Variants in SLC35F4 observed in about 807,000 individuals in gnomAD.
SLC35F4 encodes the protein chromosome 14 open reading frame 36.
Under a neutral mutation model 44.2 loss-of-function variants are expected in SLC35F4, and 24 were observed. That is an observed-to-expected ratio of 0.54 (90% CI 0.39 to 0.76). The LOEUF is 0.76. SLC35F4 is among the 30% of genes least tolerant of loss of function. SLC35F4 has a pLI of 0.00. For synonymous variants in SLC35F4, 238 were observed against 223.6 expected (o/e 1.06, Z -0.57); for missense variants, 562 against 586.1 (o/e 0.96, Z 0.42).
At chr14:57,712,715 A>T (rs2075844348) in intron 1 of SLC35F4, among the ~76,000 whole-genome samples, 1 of 152,244 alleles carries the variant, frequency 6.6e-6, no homozygotes, top group Non-Finnish European at 1.5e-5. Flanking sequence ...TTTTGAATTT[A>T]CATAACATTT....
At chr14:57,591,522 A>C (rs1410874809) in intron 2 of SLC35F4, among the ~76,000 whole-genome samples, 1 of 152,236 alleles carries the variant, frequency 6.6e-6, no homozygotes, top group Non-Finnish European at 1.5e-5. Flanking sequence ...AGGAACACAA[A>C]CCTGACTTAT....
rs1429625955 is a variant in SLC35F4, at chr14:57,709,073, G to A, written c.104-114949C>T. ...GACCACTGAAGCACAGCATCACAGG[G>A]AGATGGTTAGGCCTCCAGATAACTG... On this transcript the variant is annotated intron_variant, in intron 1 of 7. Coordinates refer to ENST00000556826, the MANE Select transcript of SLC35F4 (RefSeq NM_001306087.2). Among the ~76,000 whole-genome samples the A allele has an allele frequency of 2.0e-5, 3 of 152,190 alleles. No individual in the cohort carries two copies. In the East Asian group the frequency reaches 5.8e-4, roughly 29 times the overall value.
At chr14:57,753,674 C>T (rs933396077) in intron 1 of SLC35F4, among the ~76,000 whole-genome samples, 1 of 152,190 alleles carries the variant, frequency 6.6e-6, no homozygotes, top group Non-Finnish European at 1.5e-5. Flanking sequence ...TTGAGGGCAG[C>T]ACCAAGAAGG....
At chr14:57,615,891 A>G (rs2071789332) in intron 1 of SLC35F4, among the ~76,000 whole-genome samples, 2 of 152,204 alleles carry the variant, frequency 1.3e-5, no homozygotes, top group African/African-American at 4.8e-5. Context: ...ACCAAATATT[A>G]GGATTCCTAG....
intron 1 of SLC35F4, among the ~76,000 whole-genome samples, chr14:57,601,058 C>T (rs918563612): frequency 1.3e-5 from 2 of 152,088 alleles, no homozygotes; most frequent in Non-Finnish European, 2.9e-5. Flanking sequence ...AGGTATTACT[C>T]ACTCCTTATA....
At chr14:57,605,722 T>C (rs1481986673) in intron 1 of SLC35F4, among the ~76,000 whole-genome samples, 15 of 151,566 alleles carry the variant, frequency 9.9e-5, no homozygotes, top group African/African-American at 3.6e-4. Context: ...CCATCAGTAG[T>C]GGGTTGGATT....
intron 1 of SLC35F4, among the ~76,000 whole-genome samples, chr14:57,685,892 G>A (rs1196887047): frequency 6.6e-6 from 1 of 152,128 alleles, no homozygotes; most frequent in East Asian, 1.9e-4. Flanking sequence ...GGTGTTCCTG[G>A]TCTTTGGGCT....
chr14:57,842,309 T>C (rs983895796), intron 1 of SLC35F4, among the ~76,000 whole-genome samples: 3 of 152,158 alleles, frequency 2.0e-5, no homozygotes, highest in Admixed American at 1.3e-4. Flanking sequence ...CACTCTGAAA[T>C]GGGGCATAGT....
chr14:57,945,439 AT>A lies in SLC35F4; in HGVS notation n.282+36473del, dbSNP rs1890007539. ...TCTTTACCAGGTAAGAGCAATGATAATGTGTGTGTGTGTGTGTGTGTGTGTG... is the reference window on the plus strand; with the variant it reads ...TCTTTACCAGGTAAGAGCAATGATAAGTGTGTGTGTGTGTGTGTGTGTGTG... On this transcript the variant is annotated intron_variant and non_coding_transcript_variant, in intron 1 of 1. Transcript: ENST00000556568. 2.9e-5 allele frequency among the ~76,000 whole-genome samples: 3 copies of A among 104,690 alleles called. 1 individual carries two copies. Among genetic ancestry groups the A allele is most frequent in the African/African-American group, 1.5e-4 (3 of 20,668 alleles). 68.7% of individuals were successfully genotyped at this position (104,690 alleles called of 152,430 possible).
At chr14:57,702,141 C>T (rs2075557707) in intron 1 of SLC35F4, among the ~76,000 whole-genome samples, 1 of 152,082 alleles carries the variant, frequency 6.6e-6, no homozygotes, top group African/African-American at 2.4e-5. Context: ...CCTGTCCCAC[C>T]CTGGACTGGC....
At chr14:57,775,822 A>G (rs964193763) in intron 1 of SLC35F4, among the ~76,000 whole-genome samples, 2 of 152,258 alleles carry the variant, frequency 1.3e-5, no homozygotes, top group Admixed American at 6.5e-5. Flanking sequence ...TGACAGGAAT[A>G]TAATTCAGAA....
At chr14:57,815,970 T>A (rs192243630) in intron 1 of SLC35F4, among the ~76,000 whole-genome samples, 1 of 152,062 alleles carries the variant, frequency 6.6e-6, no homozygotes. Context: ...AAAAACCTAT[T>A]GATAAAGAAG....
intron 1 of SLC35F4, among the ~76,000 whole-genome samples, chr14:57,662,170 A>G (rs971911781): frequency 6.6e-6 from 1 of 152,194 alleles, no homozygotes; most frequent in African/African-American, 2.4e-5. Context: ...GAGTTCTATA[A>G]CTTGGATTCA....
chr14:57,920,070 T>C (rs1312610289), intron 1 of SLC35F4, among the ~76,000 whole-genome samples: 1 of 152,162 alleles, frequency 6.6e-6, no homozygotes, highest in African/African-American at 2.4e-5. Flanking sequence ...AGAGACACAA[T>C]ATATGCACGT....
intron 1 of SLC35F4, among the ~76,000 whole-genome samples, chr14:57,927,316 T>C (rs1889597286): frequency 6.6e-6 from 1 of 152,234 alleles, no homozygotes; most frequent in South Asian, 2.1e-4. Context: ...TCAAAAGATC[T>C]AGGTCATAAC....
chr14:57,747,292 T>G (rs1594949597), intron 1 of SLC35F4, among the ~76,000 whole-genome samples: 1 of 152,294 alleles, frequency 6.6e-6, no homozygotes, highest in Non-Finnish European at 1.5e-5. Context: ...CATCAGGGAC[T>G]GATAAGAGAC....
intron 1 of SLC35F4, among the ~76,000 whole-genome samples, chr14:57,737,897 G>C (rs1268746694): frequency 6.6e-6 from 1 of 152,134 alleles, no homozygotes; most frequent in Non-Finnish European, 1.5e-5. Flanking sequence ...ATAGAGATAA[G>C]GCTTATTAGA....
chr14:57,666,832 T>C (rs17093537), intron 1 of SLC35F4, among the ~76,000 whole-genome samples: 3,879 of 152,054 alleles, frequency 0.026, 157 homozygotes, highest in African/African-American at 0.087. Flanking sequence ...CTAGTAGGCA[T>C]GTGAAAATTA....
intron 1 of SLC35F4, among the ~76,000 whole-genome samples, chr14:57,726,237 C>A (rs989224599): frequency 1.4e-4 from 22 of 152,036 alleles, no homozygotes; most frequent in Admixed American, 1.4e-3. Flanking sequence ...ACTATAATAG[C>A]CCAACCCAGG....
Sources: allele counts gnomAD v4.1 joint callset (sites outside exome capture counted in the v4.1 genomes callset), GRCh38; gene constraint gnomAD v4.1.1; transcripts MANE v1.5; gene names NCBI Gene and HGNC (gene_info 2026-07-23, HGNC 2026-07-21).